Variants in DNM2 observed in about 807,000 individuals in gnomAD.
The protein encoded by DNM2 is dynamin-2.
DNM2 carries 15 observed loss-of-function variants against 99.0 expected under a neutral mutation model. That is an observed-to-expected ratio of 0.15 (90% CI 0.10 to 0.23). The LOEUF is 0.23. DNM2 is among the 10% of genes least tolerant of loss of function. The pLI, the probability that DNM2 is intolerant of heterozygous loss-of-function variation, is 1.00. For missense variants in DNM2, 742 were observed against 1,189.4 expected (o/e 0.62, Z 5.53); for synonymous variants, 525 against 481.2 (o/e 1.09, Z -1.19).
chr19:10,783,250 T>C, intron 6 of DNM2, 130 bp downstream of exon 6: 1 of 1,407,080 alleles, frequency 7.1e-7, no homozygotes, highest in Non-Finnish European at 9.8e-7. Context: ...AGTCCACATT[T>C]AGCCTAGGAG....
Position 10,720,679 on chromosome 19 carries a change from G to A in DNM2, c.161+2276G>A, listed in dbSNP as rs146093398. Among the ~76,000 whole-genome samples, 360 of 152,182 alleles carry A rather than the reference G, an allele frequency of 2.4e-3. 3 individuals carry two copies. The highest frequency in any genetic ancestry group is 7.7e-3 in the African/African-American group (319 of 41,506). On this transcript the variant is annotated intron_variant, in intron 1 of 20. Transcript: ENST00000389253. Reference sequence around the variant, plus strand: ...CAGGATGTCCAGACTGCAGTGAGCCGTGATTGCACCATTACCCTCCAGCCT... The same window carrying A: ...CAGGATGTCCAGACTGCAGTGAGCCATGATTGCACCATTACCCTCCAGCCT...
chr19:10,828,874 G>A (rs2073237817), intron 18 of DNM2, 162 bp from the exon 19 acceptor site: 20 of 711,638 alleles, frequency 2.8e-5, no homozygotes, highest in African/African-American at 5.3e-5. Flanking sequence ...GCAGTGAGCT[G>A]AAATTGAGCC....
chr19:10,775,628 G>A lies in DNM2; in HGVS notation c.386-75G>A. ...CCCCGCGCAGGAACTTTGGTAGTCA[G>A]CTGGGTGGCTGCGGGCCTGTTTGTG... On this transcript the variant is annotated intron_variant, in intron 3 of 20. Transcript: ENST00000389253. This position sits in a 1 kb window ranked among gnomAD's most constrained non-coding sequence, Gnocchi z 4.3. 1.3e-6 allele frequency: 2 copies of A among 1,554,018 alleles called. No homozygotes were observed. Among genetic ancestry groups the A allele is most frequent in the Non-Finnish European group, 1.8e-6 (2 of 1,126,922 alleles).
intron 1 of DNM2, among the ~76,000 whole-genome samples, chr19:10,742,392 G>A (rs1415492926): frequency 6.6e-6 from 1 of 152,182 alleles, no homozygotes; most frequent in African/African-American, 2.4e-5. Flanking sequence ...TCATGAACTA[G>A]TGAACTAGTC....
chr19:10,725,254 T>C (rs1376993945), intron 1 of DNM2, among the ~76,000 whole-genome samples: 1 of 152,166 alleles, frequency 6.6e-6, no homozygotes, highest in Non-Finnish European at 1.5e-5. Context: ...GAGACCAGCC[T>C]GGCCAACATA....
At chr19:10,814,617 C>T (rs1395844331) in intron 15 of DNM2, among the ~76,000 whole-genome samples, 1 of 152,190 alleles carries the variant, frequency 6.6e-6, no homozygotes, top group Non-Finnish European at 1.5e-5. Context: ...CTTGTCCCCA[C>T]CTTTCCCAGC....
At position 10,816,976 on chromosome 19, in the gene DNM2, G is replaced by A. The variant is rs117699782; in HGVS notation, c.1672-3004G>A. ...GCGCCGGCCGTAATGAGAAACAGCC[G>A]ACCTGTGAAAGGGGCCCTGTGTGAG... On this transcript the variant is annotated intron_variant, in intron 15 of 20. Coordinates refer to ENST00000389253, the MANE Select transcript of DNM2 (RefSeq NM_001005361.3). This position sits in a 1 kb window ranked among gnomAD's most constrained non-coding sequence, Gnocchi z 4.6. 8.3e-3 allele frequency among the ~76,000 whole-genome samples: 1,260 copies of A among 152,236 alleles called. 68 individuals carry two copies. In the East Asian group the frequency reaches 0.14, roughly 17 times the overall value.
At position 10,796,340 on chromosome 19, in the gene DNM2, C is replaced by T. The variant is rs977336614; in HGVS notation, c.1196+901C>T. On this transcript the variant is annotated intron_variant, in intron 9 of 20. Transcript: ENST00000389253. This position sits in a 1 kb window ranked among gnomAD's most constrained non-coding sequence, Gnocchi z 5.6. The stretch of plus-strand genomic sequence containing the variant: ...CTTTGTGTCCGTGAACTTGGCCTCT[C>T]CCCAGAGGCTGGGGCAGGAGCATGT... 28 of 1,301,954 alleles carry T rather than the reference C, an allele frequency of 2.2e-5. No homozygotes were observed. Among genetic ancestry groups the T allele is most frequent in the Non-Finnish European group, 2.9e-5 (27 of 919,364 alleles). The allele number at this position is 1,301,954 out of a possible 1,614,324, so 80.7% of individuals were successfully genotyped here. A position where few individuals can be genotyped will look rare whatever the true frequency, so the allele number is the denominator to read the frequency against.
At chr19:10,759,546 G>A (rs2070545367) in intron 1 of DNM2, 192 bp from the exon 2 acceptor site, 1 of 683,154 alleles carries the variant, frequency 1.5e-6, no homozygotes, top group African/African-American at 1.8e-5. Flanking sequence ...GACCTTCCAT[G>A]CATACCTTCC....
At chr19:10,778,119 C>T (rs1481153360) in intron 5 of DNM2, among the ~76,000 whole-genome samples, 1 of 151,284 alleles carries the variant, frequency 6.6e-6, no homozygotes, top group Admixed American at 6.6e-5. Context: ...ACTGCAACCT[C>T]CACCTCCCAG....
chr19:10,795,980 G>A lies in DNM2; in HGVS notation c.1196+541G>A, dbSNP rs540676346. 141 of 1,604,880 alleles carry A rather than the reference G, an allele frequency of 8.8e-5. 1 individual carries two copies. The African/African-American group carries it at 1.5e-3, about 17-fold the overall frequency. On this transcript the variant is annotated intron_variant, in intron 9 of 20. Coordinates refer to ENST00000389253, the MANE Select transcript of DNM2 (RefSeq NM_001005361.3). The surrounding 1 kb of genome is among the most constrained non-coding windows in gnomAD (Gnocchi z 4.2). ...AACCTTCATTCCTTGTTGGGGACCC[G>A]GCCAGGGCCAATGAAATTGCTGACC...
Position 10,775,036 on chromosome 19 carries a change from G to C in DNM2, c.386-667G>C, listed in dbSNP as rs2071107439. On this transcript the variant is annotated intron_variant, in intron 3 of 20. Transcript: ENST00000389253. This position sits in a 1 kb window ranked among gnomAD's most constrained non-coding sequence, Gnocchi z 4.3. ...TCTACCCATCATGGCCTCCCAAAGT[G>C]CTGGGATGACAGGCATGAGTCACCG... Among the ~76,000 whole-genome samples, 2 of 152,014 alleles carry C rather than the reference G, an allele frequency of 1.3e-5. No homozygotes were observed. Among genetic ancestry groups the C allele is most frequent in the Non-Finnish European group, 2.9e-5 (2 of 68,008 alleles).
At chr19:10,756,683 G>C (rs571887634) in intron 1 of DNM2, among the ~76,000 whole-genome samples, 1 of 152,198 alleles carries the variant, frequency 6.6e-6, no homozygotes, top group South Asian at 2.1e-4. Context: ...GGATGCAGAG[G>C]CCAGGGCTCG....
At position 10,770,019 on chromosome 19, in the gene DNM2, T is replaced by C. The variant is rs145212219; in HGVS notation, c.236-2460T>C. On this transcript the variant is annotated intron_variant, in intron 2 of 20. Transcript: ENST00000389253. ...CTTGGCCCAAGGCCCTTAACCCCTC[T>C]GGGCCTCAGTTTTGTCATCTTTGAA... Among the ~76,000 whole-genome samples, 489 of 152,356 alleles carry C rather than the reference T, an allele frequency of 3.2e-3. 1 individual carries two copies. Among genetic ancestry groups the C allele is most frequent in the African/African-American group, 0.011 (474 of 41,598 alleles).
At chr19:10,797,633 A>G in intron 10 of DNM2, 115 bp downstream of exon 10, 3 of 1,524,262 alleles carry the variant, frequency 2.0e-6, no homozygotes, top group Admixed American at 1.7e-5. Context: ...TCCGCCTACC[A>G]GTTGTCACTT....
At chr19:10,802,455 T>A in intron 12 of DNM2, 97 bp downstream of exon 12, 1 of 1,374,770 alleles carries the variant, frequency 7.3e-7, no homozygotes, top group Non-Finnish European at 1.0e-6. Flanking sequence ...AGGGCAGGTG[T>A]CAGACAGTCT....
chr19:10,797,092 A>G (rs1270427662), intron 9 of DNM2, among the ~76,000 whole-genome samples: 1 of 152,106 alleles, frequency 6.6e-6, no homozygotes, highest in Non-Finnish European at 1.5e-5. Flanking sequence ...GCCAGGTGTC[A>G]TGGACATGAA....
rs576574472 is a variant in DNM2, at chr19:10,817,824, C to T, written c.1672-2156C>T. 7.4e-5 allele frequency among the ~76,000 whole-genome samples: 11 copies of T among 149,242 alleles called. No individual in the cohort carries two copies. Among genetic ancestry groups the T allele is most frequent in the African/African-American group, 2.5e-4 (10 of 40,238 alleles). On this transcript the variant is annotated intron_variant, in intron 15 of 20. Coordinates refer to ENST00000389253, the MANE Select transcript of DNM2 (RefSeq NM_001005361.3). This position sits in a 1 kb window ranked among gnomAD's most constrained non-coding sequence, Gnocchi z 4.6. ...ACGTGTGTGTGTGTGTGTGCGCGCG[C>T]GCGCACGCGTGCGTGCCGGCAGCAC...
chr19:10,742,036 T>C (rs2069771740), intron 1 of DNM2, among the ~76,000 whole-genome samples: 1 of 152,002 alleles, frequency 6.6e-6, no homozygotes, highest in African/African-American at 2.4e-5. Context: ...TTTTGCTTGA[T>C]TGCAGCATCA....
Sources: gnomAD v4.1 joint callset for allele counts (sites outside exome capture counted in the v4.1 genomes callset) on GRCh38, gnomAD v4.1.1 for gene constraint, Gnocchi (gnomAD v3.1) non-coding constraint, MANE v1.5 for transcripts, NCBI Gene and HGNC (gene_info 2026-07-23, HGNC 2026-07-21) for gene names.